GNAL: variants seen among roughly 807,000 people sequenced by gnomAD.
GNAL encodes guanine nucleotide-binding protein G(olf) subunit alpha.
In GNAL, 18 loss-of-function variants were observed where a neutral mutation model predicts 55.1. The ratio of observed to expected loss-of-function variants is 0.33; its 90% CI spans 0.23 to 0.48. The LOEUF is 0.48. Among genes scored for constraint, GNAL ranks in the 20% least tolerant of loss-of-function variants. GNAL has a pLI of 0.99. For missense variants in GNAL, 412 were observed against 614.1 expected (o/e 0.67, Z 3.48); for synonymous variants, 253 against 237.0 (o/e 1.07, Z -0.62).
rs971569935 is a variant in GNAL, at chr18:11,883,049, T to G, written c.*1914T>G. 1.1e-4 allele frequency: 16 copies of G among 149,694 alleles called. No homozygotes were observed. The highest frequency in any genetic ancestry group is 3.9e-4 in the African/African-American group (16 of 40,760). The allele number at this position is 149,694 out of a possible 1,614,324, so 9.3% of individuals were successfully genotyped here. A position where few individuals can be genotyped will look rare whatever the true frequency, so the allele number is the denominator to read the frequency against. Reference sequence around the variant, plus strand: ...AGTGACAGCCTACATTACTTCATTATTACTCTTCTTTTAGTCTTTAGTCTT... The same window carrying G: ...AGTGACAGCCTACATTACTTCATTAGTACTCTTCTTTTAGTCTTTAGTCTT... On this transcript the variant is annotated 3_prime_UTR_variant, in exon 12 of 12. Transcript: ENST00000334049.
intron 5 of GNAL, among the ~76,000 whole-genome samples, chr18:11,844,329 G>A (rs967253078): frequency 6.6e-6 from 1 of 152,088 alleles, no homozygotes; most frequent in African/African-American, 2.4e-5. Flanking sequence ...AGCTACTCAG[G>A]AGGCTGAGGC....
rs578122308 is a variant in GNAL, at chr18:11,828,045, G to A, written c.722+3030G>A. On this transcript the variant is annotated intron_variant, in intron 5 of 11. Transcript: ENST00000334049. ...TGGCCCTGCCCTTGAGTTTACATTT[G>A]TGAATACAGTTCTGTGGTTGCTCTC... Among the ~76,000 whole-genome samples the A allele has an allele frequency of 5.3e-5, 8 of 151,508 alleles. No individual in the cohort carries two copies. The South Asian group carries it at 1.0e-3, about 20-fold the overall frequency.
Position 11,784,790 on chromosome 18 carries a change from G to C in GNAL, c.624+30845G>C, listed in dbSNP as rs546201375. On this transcript the variant is annotated intron_variant, in intron 4 of 11. Transcript: ENST00000334049. ...CCAAAAGCCAGTACCTGGTCTCTGAGCGTGGAAGAAACTGACTGTGCGTGC... is the reference window on the plus strand; with the variant it reads ...CCAAAAGCCAGTACCTGGTCTCTGACCGTGGAAGAAACTGACTGTGCGTGC... 1.1e-4 allele frequency among the ~76,000 whole-genome samples: 16 copies of C among 152,296 alleles called. No homozygotes were observed. In the South Asian group the frequency reaches 2.1e-3, roughly 20 times the overall value.
At chr18:11,840,562 C>T (rs561076991) in intron 5 of GNAL, among the ~76,000 whole-genome samples, 1 of 152,324 alleles carries the variant, frequency 6.6e-6, no homozygotes, top group South Asian at 2.1e-4. Context: ...CTGAGCAAAT[C>T]TGTGTGTTTG....
chr18:11,758,849 C>T (rs28468616), intron 4 of GNAL, among the ~76,000 whole-genome samples: 31,620 of 152,104 alleles, frequency 0.21, 5,469 homozygotes, highest in African/African-American at 0.48. Flanking sequence ...GTGATTATGC[C>T]AAAACATAGA....
At chr18:11,733,895 C>A (rs1336136164) in intron 1 of GNAL, among the ~76,000 whole-genome samples, 3 of 150,350 alleles carry the variant, frequency 2.0e-5, no homozygotes, top group Non-Finnish European at 4.4e-5. Context: ...AAAAAAAGTC[C>A]AAGCCCAGAA....
chr18:11,850,494 A>G (rs2035832958), intron 5 of GNAL, among the ~76,000 whole-genome samples: 1 of 152,206 alleles, frequency 6.6e-6, no homozygotes, highest in African/African-American at 2.4e-5. Flanking sequence ...TAAAGAGAAA[A>G]GTGACAGCAC....
intron 5 of GNAL, among the ~76,000 whole-genome samples, chr18:11,860,239 T>C (rs902429435): frequency 6.6e-6 from 1 of 152,208 alleles, no homozygotes; most frequent in Non-Finnish European, 1.5e-5. Flanking sequence ...TGTATTCTGC[T>C]TCTGGGTTAC....
chr18:11,788,906 A>ATATATATATATATAT (rs1555650621), intron 4 of GNAL, among the ~76,000 whole-genome samples: 2 of 23,574 alleles, frequency 8.5e-5, no homozygotes, highest in South Asian at 1.8e-3. Context: ...CGAAAAAAAA[A>ATATATATATATATAT]AAAAAAAAAT....
chr18:11,725,005 C>T (rs1410298084), intron 1 of GNAL, among the ~76,000 whole-genome samples: 2 of 152,134 alleles, frequency 1.3e-5, no homozygotes, highest in Non-Finnish European at 2.9e-5. Flanking sequence ...TCATATGGCC[C>T]GAAGGGGAGA....
At chr18:11,817,299 C>A (rs1433992939) in intron 4 of GNAL, among the ~76,000 whole-genome samples, 1 of 152,124 alleles carries the variant, frequency 6.6e-6, no homozygotes, top group East Asian at 1.9e-4. Flanking sequence ...CTTTTGAATC[C>A]AGGTTTGACC....
rs561087905 is a variant in GNAL at position 11,715,957 on chromosome 18, C to T, written c.376+26018C>T. ...AAAACTACCATGAGATACCATCTCA[C>T]ACCAATCAGAATGGCTATTATTAAA... On this transcript the variant is annotated intron_variant, in intron 1 of 11. Transcript: ENST00000334049. Among the ~76,000 whole-genome samples the T allele has an allele frequency of 3.3e-5, 5 of 151,188 alleles. No homozygotes were observed. In the South Asian group the frequency reaches 1.0e-3, roughly 32 times the overall value.
intron 5 of GNAL, among the ~76,000 whole-genome samples, chr18:11,836,212 C>T (rs1182453754): frequency 6.6e-6 from 1 of 151,984 alleles, no homozygotes; most frequent in Admixed American, 6.6e-5. Flanking sequence ...TTTGGGAGGC[C>T]GAGGTGGGCG....
chr18:11,785,434 G>T (rs1194541321), intron 4 of GNAL, among the ~76,000 whole-genome samples: 1 of 152,106 alleles, frequency 6.6e-6, no homozygotes, highest in African/African-American at 2.4e-5. Context: ...GCAGAAATCT[G>T]GAACAAGGAG....
chr18:11,827,768 G>T (rs1379510401), intron 5 of GNAL, among the ~76,000 whole-genome samples: 1 of 151,938 alleles, frequency 6.6e-6, no homozygotes, highest in Non-Finnish European at 1.5e-5. Context: ...TCAGGAGATC[G>T]AGACCATCCT....
At chr18:11,870,657 A>G (rs1156804566) in intron 9 of GNAL, among the ~76,000 whole-genome samples, 2 of 98,950 alleles carry the variant, frequency 2.0e-5, no homozygotes, top group African/African-American at 4.2e-5. Flanking sequence ...AACTACTAGC[A>G]TTGCAGATTG....
At chr18:11,804,052 G>A (rs73403552) in intron 4 of GNAL, among the ~76,000 whole-genome samples, 33,182 of 139,964 alleles carry the variant, frequency 0.24, 5,006 homozygotes, top group African/African-American at 0.41. Context: ...AAGTACAGGT[G>A]AAGTTTGGAA....
chr18:11,855,061 C>T (rs1387171557), intron 5 of GNAL, among the ~76,000 whole-genome samples: 1 of 152,102 alleles, frequency 6.6e-6, no homozygotes, highest in African/African-American at 2.4e-5. Context: ...GCTGGGACTA[C>T]AGATGCGCAC....
chr18:11,822,125 AG>A (rs1233019748), intron 4 of GNAL, among the ~76,000 whole-genome samples: 3 of 152,094 alleles, frequency 2.0e-5, no homozygotes, highest in Non-Finnish European at 2.9e-5. Flanking sequence ...GGAGAGGCCC[AG>A]GGGCTTAGCG....
Sources: allele counts gnomAD v4.1 joint callset (sites outside exome capture counted in the v4.1 genomes callset), GRCh38; gene constraint gnomAD v4.1.1; transcripts MANE v1.5; gene names NCBI Gene and HGNC (gene_info 2026-07-23, HGNC 2026-07-21).